The following SHISAL1 variants were observed in gnomAD, a reference collection of about 807,000 sequenced individuals.
The protein encoded by SHISAL1 is shisa like 1.
A neutral mutation model predicts 22.6 loss-of-function variants in SHISAL1; 9 were observed. That is an observed-to-expected ratio of 0.40 (90% CI 0.24 to 0.70). The LOEUF is 0.70. Among genes scored for constraint, SHISAL1 ranks in the 30% least tolerant of loss-of-function variants. SHISAL1 has a pLI of 0.39. For synonymous variants in SHISAL1, 119 were observed against 115.4 expected, an observed-to-expected ratio of 1.03 and a Z score of -0.20; for missense variants, 246 against 270.6, an observed-to-expected ratio of 0.91 and a Z score of 0.64.
chr22:44,292,331 A>G (rs151125173), intron 3 of SHISAL1, among the ~76,000 whole-genome samples: 3,243 of 152,260 alleles, frequency 0.021, 50 homozygotes, highest in Middle Eastern at 0.031. Flanking sequence ...TGGAACATCC[A>G]GCCTTTTAGC....
At chr22:44,289,672 GGGACGC>G (rs2055340002) in intron 3 of SHISAL1, among the ~76,000 whole-genome samples, 1 of 152,202 alleles carries the variant, frequency 6.6e-6, no homozygotes, top group Non-Finnish European at 1.5e-5. Flanking sequence ...GTGGCAGGCG[GGGACGC>G]CCAGGCCATG....
intron 3 of SHISAL1, among the ~76,000 whole-genome samples, chr22:44,286,897 T>C (rs1344118241): frequency 6.6e-6 from 1 of 152,258 alleles, no homozygotes; most frequent in Non-Finnish European, 1.5e-5. Context: ...GTCTGCTCCC[T>C]GCTGCAGGCA....
intron 2 of SHISAL1, among the ~76,000 whole-genome samples, chr22:44,298,898 TC>T (rs914447310): frequency 4.3e-4 from 66 of 152,290 alleles, no homozygotes; most frequent in African/African-American, 1.6e-3. Flanking sequence ...CGATGAAGCC[TC>T]CCCGGCTGCC....
intron 3 of SHISAL1, among the ~76,000 whole-genome samples, chr22:44,286,686 C>G (rs920453363): frequency 6.6e-5 from 10 of 152,210 alleles, no homozygotes; most frequent in African/African-American, 2.4e-4. Context: ...TTCCCTCAAA[C>G]CCAGCCCCTG....
At position 44,246,407 on chromosome 22, in the gene SHISAL1, T is replaced by C. The variant is rs1179805384; in HGVS notation, c.*3278A>G. On this transcript the variant is annotated 3_prime_UTR_variant, in exon 5 of 5. Transcript: ENST00000381176. Reference sequence around the variant, plus strand: ...ATTATTATTACAAATTACATGGTGATGGACAGAAGCTCACAGTAAAAAGTA... The same window carrying C: ...ATTATTATTACAAATTACATGGTGACGGACAGAAGCTCACAGTAAAAAGTA... 2 of 152,194 alleles carry C rather than the reference T, an allele frequency of 1.3e-5. No homozygotes were observed. Among genetic ancestry groups the C allele is most frequent in the African/African-American group, 4.8e-5 (2 of 41,434 alleles). 9.4% of individuals were successfully genotyped at this position (152,194 alleles called of 1,614,324 possible).
At chr22:44,311,888 C>G (rs981850677) in intron 1 of SHISAL1, among the ~76,000 whole-genome samples, 3 of 152,198 alleles carry the variant, frequency 2.0e-5, no homozygotes, top group African/African-American at 7.2e-5. Context: ...TTTGGTTGCA[C>G]CATGGAGATA....
At chr22:44,264,930 T>C (rs535487726) in intron 4 of SHISAL1, among the ~76,000 whole-genome samples, 1 of 152,070 alleles carries the variant, frequency 6.6e-6, no homozygotes, top group East Asian at 1.9e-4. Context: ...ACAAGCCACG[T>C]GACCTTGGAC....
chr22:44,323,507 CCATCCATCCATCCATCT>C, the SHISAL1 span, among the ~76,000 whole-genome samples: 1 of 112,062 alleles, frequency 8.9e-6, no homozygotes, highest in African/African-American at 3.4e-5. Flanking sequence ...CATCCATCAA[CCATCCATCCATCCATCT>C]ACCCACCTCA....
chr22:44,277,805 G>C (rs2055250275), intron 4 of SHISAL1, among the ~76,000 whole-genome samples: 1 of 152,206 alleles, frequency 6.6e-6, no homozygotes, highest in Non-Finnish European at 1.5e-5. Flanking sequence ...CCATTGCAGG[G>C]TGGTTATGAA....
chr22:44,309,252 G>T (rs576195984), intron 1 of SHISAL1, among the ~76,000 whole-genome samples: 1 of 152,194 alleles, frequency 6.6e-6, no homozygotes, highest in Non-Finnish European at 1.5e-5. Flanking sequence ...CTTACAGCCT[G>T]GGGGGAGGCG....
chr22:44,249,720 G>T, intron 4 of SHISAL1, 35 bp from the exon 5 acceptor site: 2 of 778,776 alleles, frequency 2.6e-6, no homozygotes, highest in South Asian at 1.3e-5. Context: ...GTATCACATG[G>T]TGTCTCCTCC....
At chr22:44,293,418 T>A (rs2147296624) in intron 3 of SHISAL1, among the ~76,000 whole-genome samples, 1 of 152,182 alleles carries the variant, frequency 6.6e-6, no homozygotes, top group East Asian at 1.9e-4. Flanking sequence ...ACCGGGGTGG[T>A]GGGGAGGAGG....
chr22:44,259,369 C>T (rs1303474836), intron 4 of SHISAL1, among the ~76,000 whole-genome samples: 5 of 151,552 alleles, frequency 3.3e-5, no homozygotes, highest in Admixed American at 6.6e-5. Context: ...ACCTGGGAGG[C>T]GGAGGTTGCA....
At chr22:44,301,761 G>C (rs142246100) in intron 1 of SHISAL1, among the ~76,000 whole-genome samples, 5 of 152,158 alleles carry the variant, frequency 3.3e-5, no homozygotes, top group Admixed American at 3.3e-4. Context: ...ACAGCAGGGG[G>C]ATCCCAGAGG....
chr22:44,257,132 C>T (rs2055089859), intron 4 of SHISAL1, among the ~76,000 whole-genome samples: 2 of 152,332 alleles, frequency 1.3e-5, no homozygotes, highest in South Asian at 4.1e-4. Context: ...ATGCTGGGGT[C>T]ATTTCTGTGG....
chr22:44,330,281 A>G, the SHISAL1 span, among the ~76,000 whole-genome samples: 5 of 152,218 alleles, frequency 3.3e-5, no homozygotes, highest in African/African-American at 1.2e-4. Flanking sequence ...CGGGCTGGGA[A>G]GCCTCAGGAG....
chr22:44,277,064 C>A (rs2018067), intron 4 of SHISAL1, among the ~76,000 whole-genome samples: 2 of 152,192 alleles, frequency 1.3e-5, no homozygotes, highest in African/African-American at 4.8e-5. Flanking sequence ...TGGCGAACTC[C>A]TATTCATCCA....
chr22:44,308,024 C>T (rs2055491682), intron 1 of SHISAL1, among the ~76,000 whole-genome samples: 1 of 152,188 alleles, frequency 6.6e-6, no homozygotes, highest in Non-Finnish European at 1.5e-5. Flanking sequence ...GCGACACCTC[C>T]AGTCCACTGC....
At chr22:44,269,462 CCCA>C (rs1334536830) in intron 4 of SHISAL1, among the ~76,000 whole-genome samples, 18 of 99,266 alleles carry the variant, frequency 1.8e-4, no homozygotes, top group East Asian at 1.3e-3. Context: ...CACACAGACG[CCCA>C]CAACACGCGC....
Sources: gnomAD v4.1 joint callset for allele counts (sites outside exome capture counted in the v4.1 genomes callset) on GRCh38, gnomAD v4.1.1 for gene constraint, MANE v1.5 for transcripts, NCBI Gene and HGNC (gene_info 2026-07-23, HGNC 2026-07-21) for gene names.